Variants in NREP observed in about 807,000 individuals in gnomAD.
NREP encodes neuronal regeneration related protein, also known as neuronal regeneration-related protein.
Under a neutral mutation model 8.6 loss-of-function variants are expected in NREP, and 5 were observed. That is an observed-to-expected ratio of 0.58 (90% CI 0.30 to 1.22). NREP has a LOEUF of 1.22. NREP is among the 50% of genes most tolerant of loss of function. The pLI, the probability that NREP is intolerant of heterozygous loss-of-function variation, is 0.07. For missense variants in NREP, 86 were observed against 82.5 expected, an observed-to-expected ratio of 1.04 and a Z score of -0.17; for synonymous variants, 27 against 28.0, an observed-to-expected ratio of 0.96 and a Z score of 0.11.
At chr5:111,774,630 T>G (rs571520069) in intron 2 of NREP, among the ~76,000 whole-genome samples, 147 of 152,272 alleles carry the variant, frequency 9.7e-4, no homozygotes, top group African/African-American at 3.4e-3. Flanking sequence ...GCAGTGCAGA[T>G]GGCCTTAAAG....
chr5:111,772,275 A>T (rs1015855546), intron 2 of NREP, among the ~76,000 whole-genome samples: 19 of 151,680 alleles, frequency 1.3e-4, no homozygotes, highest in Non-Finnish European at 2.8e-4. Flanking sequence ...TTATTTTTCC[A>T]CTCCTGATAA....
rs77634116 is a variant in NREP, at chr5:111,906,177, T to A, written c.135+69097A>T. Among the ~76,000 whole-genome samples the A allele has an allele frequency of 6.6e-3, 1,003 of 152,194 alleles. 37 individuals are homozygous for A. The highest frequency in any genetic ancestry group is 0.046 in the East Asian group (239 of 5,186). On this transcript the variant is annotated intron_variant, in intron 2 of 3. Coordinates refer to the NREP transcript ENST00000395634. ...TAGTGCCTCATAATATAACCATTGT[T>A]TTATTTGGCTTTTAATATCTGTTGC...
At chr5:111,790,347 C>CTTTCTTTTT (rs1751712184) in intron 2 of NREP, among the ~76,000 whole-genome samples, 1 of 59,594 alleles carries the variant, frequency 1.7e-5, no homozygotes, top group African/African-American at 6.9e-5. Flanking sequence ...AAAACCTTAA[C>CTTTCTTTTT]TTTTTTTTTT....
At chr5:111,761,254 A>T (rs752288797), upstream of NREP, among the ~76,000 whole-genome samples, 12 of 152,164 alleles carry the variant, frequency 7.9e-5, no homozygotes, top group Non-Finnish European at 1.6e-4. Flanking sequence ...ATGTTTCCTG[A>T]TGGATCCCAC....
chr5:111,940,305 A>T (rs1176770376), intron 2 of NREP, among the ~76,000 whole-genome samples: 1 of 152,080 alleles, frequency 6.6e-6, no homozygotes. Flanking sequence ...ATAAAACAAA[A>T]ACAGTTCTTG....
At chr5:111,777,788 A>T (rs1297843012) in intron 2 of NREP, among the ~76,000 whole-genome samples, 1 of 152,144 alleles carries the variant, frequency 6.6e-6, no homozygotes, top group Non-Finnish European at 1.5e-5. Context: ...GAAATGTATC[A>T]CAGTTATACT....
rs1417420344 is a variant in NREP at position 111,776,216 on chromosome 5, G to C, written c.136-40709C>G. Among the ~76,000 whole-genome samples the C allele has an allele frequency of 2.0e-5, 3 of 152,098 alleles. No homozygotes were observed. In the East Asian group the frequency reaches 5.8e-4, roughly 29 times the overall value. On this transcript the variant is annotated intron_variant, in intron 2 of 3. Coordinates refer to the NREP transcript ENST00000395634. ...CATAATTTTTCCTCTAGATAAACTT[G>C]TATATGTGCAAGATAATTTATGTCA...
At chr5:111,891,777 G>C (rs932434529) in intron 2 of NREP, among the ~76,000 whole-genome samples, 3 of 152,128 alleles carry the variant, frequency 2.0e-5, no homozygotes, top group African/African-American at 7.2e-5. Context: ...TAAACAGCCA[G>C]ATCTAGCGAG....
chr5:111,849,600 T>C (rs1364899603), intron 2 of NREP, among the ~76,000 whole-genome samples: 1 of 152,148 alleles, frequency 6.6e-6, no homozygotes, highest in East Asian at 1.9e-4. Flanking sequence ...GCTTTTTTAG[T>C]AGCCAACAGC....
At chr5:111,737,008 G>A (rs563356085) in intron 2 of NREP, among the ~76,000 whole-genome samples, 3 of 152,036 alleles carry the variant, frequency 2.0e-5, no homozygotes, top group African/African-American at 7.3e-5. Context: ...CCCACGTTTG[G>A]GTCTTAAAGA....
At chr5:111,912,662 A>C (rs1242890896) in intron 2 of NREP, 1 of 152,130 alleles carries the variant, frequency 6.6e-6, no homozygotes, top group Non-Finnish European at 1.5e-5. Flanking sequence ...AACTGAAGAC[A>C]GGATCAAGAT....
intron 2 of NREP, among the ~76,000 whole-genome samples, chr5:111,834,443 T>C (rs1462803336): frequency 6.6e-6 from 1 of 152,188 alleles, no homozygotes; most frequent in Non-Finnish European, 1.5e-5. Flanking sequence ...ACTAATAATA[T>C]TTTAAGTGCC....
At chr5:111,958,247 T>C in intron 2 of NREP, among the ~76,000 whole-genome samples, 1 of 150,288 alleles carries the variant, frequency 6.7e-6, no homozygotes. Context: ...TGATGAATTA[T>C]AATACTATAA....
At chr5:111,818,245 A>T (rs1368525007) in intron 2 of NREP, among the ~76,000 whole-genome samples, 4 of 152,190 alleles carry the variant, frequency 2.6e-5, no homozygotes, top group Non-Finnish European at 5.9e-5. Flanking sequence ...TAATAGTTTG[A>T]TCTGCTGTGA....
chr5:111,871,197 C>T (rs1176645414), intron 2 of NREP, among the ~76,000 whole-genome samples: 2 of 152,032 alleles, frequency 1.3e-5, no homozygotes, highest in South Asian at 4.2e-4. Flanking sequence ...TAGCCCACTA[C>T]CCACTGAGGT....
chr5:111,907,255 T>C, intron 2 of NREP, among the ~76,000 whole-genome samples: 1 of 152,158 alleles, frequency 6.6e-6, no homozygotes, highest in Non-Finnish European at 1.5e-5. Context: ...TTTAAAAACG[T>C]ATCTTCAAAC....
At chr5:111,782,809 A>C (rs554106528) in intron 2 of NREP, among the ~76,000 whole-genome samples, 2 of 151,370 alleles carry the variant, frequency 1.3e-5, no homozygotes, top group East Asian at 3.9e-4. Flanking sequence ...ATCTCAGCTC[A>C]CTGCAACTTC....
At chr5:111,738,390 T>G (rs1424103325) in intron 2 of NREP, 2 of 152,218 alleles carry the variant, frequency 1.3e-5, no homozygotes, top group Non-Finnish European at 2.9e-5. Flanking sequence ...CAAGCAACAA[T>G]CATTTGCCTT....
rs535645442 is a variant in NREP at position 111,836,346 on chromosome 5, T to C, written c.136-100839A>G. ...TCTGAAGAACGAGTAGATCTGAATA[T>C]ACAGAGAGGGGTGTGGGTGAGGAAG... On this transcript the variant is annotated intron_variant, in intron 2 of 3. Coordinates refer to the NREP transcript ENST00000395634. 2.6e-5 allele frequency among the ~76,000 whole-genome samples: 4 copies of C among 152,108 alleles called. No individual in the cohort carries two copies. In the South Asian group the frequency reaches 8.3e-4, roughly 32 times the overall value.
Sources: allele counts gnomAD v4.1 joint callset (sites outside exome capture counted in the v4.1 genomes callset), GRCh38; gene constraint gnomAD v4.1.1; transcripts MANE v1.5; gene names NCBI Gene and HGNC (gene_info 2026-07-23, HGNC 2026-07-21).